The following CACNA1B variants were observed in gnomAD, a reference collection of about 807,000 sequenced individuals.
CACNA1B encodes the protein calcium voltage-gated channel subunit alpha1 B, also known as voltage-dependent N-type calcium channel subunit alpha-1B.
In CACNA1B, 70 loss-of-function variants were observed where a neutral mutation model predicts 247.2. The ratio of observed to expected loss-of-function variants is 0.28; its 90% CI spans 0.23 to 0.35. The LOEUF is 0.35. Ranked by LOEUF, CACNA1B falls within the 10% of genes least tolerant of loss-of-function variation. The pLI is 1.00. For missense variants in CACNA1B, 2,367 were observed against 3,197.4 expected (o/e 0.74, Z 6.26); for synonymous variants, 1,231 against 1,294.4 (o/e 0.95, Z 1.05).
intron 21 of CACNA1B, among the ~76,000 whole-genome samples, chr9:138,044,833 C>A (rs1959169680): frequency 6.6e-6 from 1 of 152,204 alleles, no homozygotes; most frequent in African/African-American, 2.4e-5. Context: ...CCTGCCTCCT[C>A]CCCCCAGTCA....
rs1564299641 is a variant in CACNA1B, at chr9:138,121,435, T to A, written c.6490-34T>A. ...GGTTCGGCTTTTTTTTTTTTTTTTT[T>A]ACCTCTGATTTGTTCTGGTCCATTT... On this transcript the variant is annotated intron_variant, in intron 46 of 46. Coordinates refer to ENST00000371372, the MANE Select transcript of CACNA1B (RefSeq NM_000718.4). This position sits in a 1 kb window ranked among gnomAD's most constrained non-coding sequence, Gnocchi z 6.8. 20 of 1,249,652 alleles carry A rather than the reference T, an allele frequency of 1.6e-5. No individual in the cohort carries two copies. The highest frequency in any genetic ancestry group is 3.1e-5 in the African/African-American group (2 of 64,868). The allele number at this position is 1,249,652 out of a possible 1,614,324, so 77.4% of individuals were successfully genotyped here.
intron 13 of CACNA1B, among the ~76,000 whole-genome samples, 159 bp downstream of exon 13, chr9:137,984,409 G>T (rs1454662116): frequency 6.6e-6 from 1 of 152,266 alleles, no homozygotes; most frequent in Non-Finnish European, 1.5e-5. Flanking sequence ...AAACGGCCTT[G>T]TGGGGCCACA....
Position 138,072,859 on chromosome 9 carries a change from C to T in CACNA1B, c.4675-629C>T, listed in dbSNP as rs912355015. ...TCTCTAGAGCAGAGGCCTGTTTGACCGTGAATTGCAGAGGTGGCTTCCGTG... is the reference window on the plus strand; with the variant it reads ...TCTCTAGAGCAGAGGCCTGTTTGACTGTGAATTGCAGAGGTGGCTTCCGTG... On this transcript the variant is annotated intron_variant, in intron 32 of 46. Coordinates refer to ENST00000371372, the MANE Select transcript of CACNA1B (RefSeq NM_000718.4). The surrounding 1 kb of genome is among the most constrained non-coding windows in gnomAD (Gnocchi z 4.5). Among the ~76,000 whole-genome samples, 6 of 152,350 alleles carry T rather than the reference C, an allele frequency of 3.9e-5. No homozygotes were observed. The South Asian group carries it at 8.3e-4, about 21-fold the overall frequency.
chr9:137,982,433 C>G (rs1035534923), intron 12 of CACNA1B, among the ~76,000 whole-genome samples: 11 of 152,210 alleles, frequency 7.2e-5, no homozygotes, highest in African/African-American at 2.4e-4. Flanking sequence ...CTTTTGTAAT[C>G]TGATCTCAGA....
chr9:137,916,900 A>G (rs1043509608), intron 5 of CACNA1B, among the ~76,000 whole-genome samples: 3 of 151,662 alleles, frequency 2.0e-5, no homozygotes, highest in Admixed American at 1.3e-4. Context: ...AGGGAGAGGA[A>G]TGGTCAGGGT....
At chr9:137,894,420 T>G (rs1196289847) in intron 3 of CACNA1B, among the ~76,000 whole-genome samples, 6 of 151,664 alleles carry the variant, frequency 4.0e-5, no homozygotes. Context: ...CTGCATATCC[T>G]TTTATTTTTT....
At position 138,120,636 on chromosome 9, in the gene CACNA1B, A is replaced by C. The variant is rs548980433; in HGVS notation, c.6244A>C (p.Ser2082Arg). 26 of 1,499,650 alleles carry C rather than the reference A, an allele frequency of 1.7e-5. No individual in the cohort carries two copies. The East Asian group carries it at 6.0e-4, about 35-fold the overall frequency. 92.9% of individuals were successfully genotyped at this position (1,499,650 alleles called of 1,614,324 possible). The change falls in exon 46 of 47, where the codon AGC (serine) becomes CGC (arginine). Residue 2082 changes from serine to arginine, a missense_variant. Coordinates refer to ENST00000371372, the MANE Select transcript of CACNA1B (RefSeq NM_000718.4). ...TTCTTCTCTTCCCTGGCCAGCACCA[A>C]GCAGTGCTGTGGGGCCGGGGCTGCC... Reference protein sequence around the residue: ...SLSADMDGAPSSAVGPGLPPG... With the variant: ...SLSADMDGAPRSAVGPGLPPG...
chr9:138,000,313 T>C (rs377738898), intron 15 of CACNA1B, among the ~76,000 whole-genome samples: 90 of 152,242 alleles, frequency 5.9e-4, no homozygotes, highest in Non-Finnish European at 1.1e-3. Context: ...TTAGCCAGGA[T>C]GGTCTCGATC....
intron 20 of CACNA1B, among the ~76,000 whole-genome samples, chr9:138,032,426 A>T (rs964106686): frequency 1.3e-5 from 2 of 152,144 alleles, no homozygotes; most frequent in African/African-American, 4.8e-5. Flanking sequence ...ACTCGAAAGG[A>T]GAGGAAAAGT....
intron 12 of CACNA1B, among the ~76,000 whole-genome samples, chr9:137,980,809 A>G (rs11137328): frequency 0.37 from 56,330 of 152,198 alleles, 14,708 homozygotes; most frequent in African/African-American, 0.73. Context: ...GCCTCTGGCC[A>G]CATCCATATT....
At chr9:138,116,808 C>G (rs531076678) in intron 42 of CACNA1B, among the ~76,000 whole-genome samples, 1 of 152,304 alleles carries the variant, frequency 6.6e-6, no homozygotes, top group African/African-American at 2.4e-5. Context: ...CTAACCACCC[C>G]TCCTCTCAGC....
Position 138,058,297 on chromosome 9 carries a change from G to A in CACNA1B, c.4308+47G>A, listed in dbSNP as rs552529945. 16 of 1,465,452 alleles carry A rather than the reference G, an allele frequency of 1.1e-5. No individual in the cohort carries two copies. Among genetic ancestry groups the A allele is most frequent in the East Asian group, 4.5e-5 (2 of 44,066 alleles). The allele number at this position is 1,465,452 out of a possible 1,614,324, so 90.8% of individuals were successfully genotyped here. On this transcript the variant is annotated intron_variant, in intron 28 of 46. Coordinates refer to ENST00000371372, the MANE Select transcript of CACNA1B (RefSeq NM_000718.4). This position sits in a 1 kb window ranked among gnomAD's most constrained non-coding sequence, Gnocchi z 4.7. ...TCTTGCAGTGGACAGCGTGGGCAGC[G>A]CCATCAGGCTTCCCTCCTGCACACA...
intron 20 of CACNA1B, among the ~76,000 whole-genome samples, chr9:138,030,612 ATGGATTG>A (rs1958976964): frequency 6.6e-6 from 1 of 152,178 alleles, no homozygotes; most frequent in Non-Finnish European, 1.5e-5. Context: ...TTTGAATTGA[ATGGATTG>A]TCCCTCTTCT....
At chr9:138,042,928 T>A (rs1473435368) in intron 20 of CACNA1B, among the ~76,000 whole-genome samples, 2 of 152,218 alleles carry the variant, frequency 1.3e-5, no homozygotes, top group East Asian at 3.8e-4. Context: ...CAAAATGAGT[T>A]GCAGCAGTGG....
intron 34 of CACNA1B, among the ~76,000 whole-genome samples, chr9:138,074,443 G>T (rs1960244609): frequency 6.6e-6 from 1 of 152,202 alleles, no homozygotes; most frequent in Non-Finnish European, 1.5e-5. Context: ...GTTTCACCAT[G>T]TTGGCCAGGC....
chr9:138,002,077 AG>A (rs758661683), intron 15 of CACNA1B, among the ~76,000 whole-genome samples: 17 of 152,240 alleles, frequency 1.1e-4, no homozygotes, highest in Admixed American at 2.6e-4. Flanking sequence ...GTCCAAGAAA[AG>A]ACAATTCAGG....
In CACNA1B at chr9:138,007,046, C is replaced by T. The variant is rs995199374; in HGVS notation, c.2092+162C>T. 1.3e-5 allele frequency among the ~76,000 whole-genome samples: 2 copies of T among 151,152 alleles called. No homozygotes were observed. The highest frequency in any genetic ancestry group is 2.9e-5 in the Non-Finnish European group (2 of 67,906). On this transcript the variant is annotated intron_variant, in intron 16 of 46. Coordinates refer to ENST00000371372, the MANE Select transcript of CACNA1B (RefSeq NM_000718.4). The surrounding 1 kb of genome is among the most constrained non-coding windows in gnomAD (Gnocchi z 4.1). ...GAGAACATTCTGCAGGTGGCCGGAG[C>T]GCAGGGCTCTGGAGGCTTTGGGACT...
Position 138,069,815 on chromosome 9 carries a change from T to C in CACNA1B, c.4674+52T>C. ...TTGCAAGTCCTTGCTTTGCTCGCTCTGCTCCTCTCCTGCTCTCTGGTTCCT... is the reference window on the plus strand; with the variant it reads ...TTGCAAGTCCTTGCTTTGCTCGCTCCGCTCCTCTCCTGCTCTCTGGTTCCT... On this transcript the variant is annotated intron_variant, in intron 32 of 46. Transcript: ENST00000371372. 1.3e-6 allele frequency: 2 copies of C among 1,561,702 alleles called. 1 individual carries two copies. Among genetic ancestry groups the C allele is most frequent in the South Asian group, 2.2e-5 (2 of 89,588 alleles).
In CACNA1B at chr9:137,955,216, A is replaced by G. The variant is rs72769052; in HGVS notation, c.1071-482A>G. ...TTCCCTGTCCCTGTCTGTCCCTCCCACTTCCCACAGAGGCTTTGCATCTGA... is the reference window on the plus strand; with the variant it reads ...TTCCCTGTCCCTGTCTGTCCCTCCCGCTTCCCACAGAGGCTTTGCATCTGA... On this transcript the variant is annotated intron_variant, in intron 7 of 46. Coordinates refer to ENST00000371372, the MANE Select transcript of CACNA1B (RefSeq NM_000718.4). The surrounding 1 kb of genome is among the most constrained non-coding windows in gnomAD (Gnocchi z 6.9). 0.02 allele frequency among the ~76,000 whole-genome samples: 2,975 copies of G among 152,112 alleles called. 66 individuals carry two copies. Among genetic ancestry groups the G allele is most frequent in the African/African-American group, 0.053 (2,187 of 41,484 alleles).
Sources: gnomAD v4.1 joint callset for allele counts (sites outside exome capture counted in the v4.1 genomes callset) on GRCh38, gnomAD v4.1.1 for gene constraint, Gnocchi (gnomAD v3.1) non-coding constraint, MANE v1.5 for transcripts, NCBI Gene and HGNC (gene_info 2026-07-23, HGNC 2026-07-21) for gene names.